The following NUB1 variants were observed in gnomAD, a reference collection of about 807,000 sequenced individuals.
NUB1 encodes negative regulator of ubiquitin like proteins 1.
Under a neutral mutation model 77.1 loss-of-function variants are expected in NUB1, and 41 were observed. The ratio of observed to expected loss-of-function variants is 0.53; its 90% CI spans 0.41 to 0.69. The LOEUF is 0.69. Among genes scored for constraint, NUB1 ranks in the 30% least tolerant of loss-of-function variants. The pLI, the probability that NUB1 is intolerant of heterozygous loss-of-function variation, is 0.00. For synonymous variants in NUB1, 257 were observed against 281.0 expected, an observed-to-expected ratio of 0.91 and a Z score of 0.85; for missense variants, 643 against 743.8, an observed-to-expected ratio of 0.86 and a Z score of 1.58.
chr7:151,357,977 C>CT (rs1797163930), intron 7 of NUB1, among the ~76,000 whole-genome samples: 1 of 151,156 alleles, frequency 6.6e-6, no homozygotes, highest in Non-Finnish European at 1.5e-5. Flanking sequence ...TGATGTTTGT[C>CT]TTTTTTTGTG....
chr7:151,376,044 T>C (rs957557883), intron 13 of NUB1, 101 bp downstream of exon 13: 44 of 778,738 alleles, frequency 5.7e-5, no homozygotes, highest in Non-Finnish European at 9.2e-5. Context: ...GAGTCCGTGC[T>C]GAAACCTTGG....
intron 13 of NUB1, 161 bp from the exon 14 acceptor site, chr7:151,376,473 C>T: frequency 1.4e-6 from 1 of 695,552 alleles, no homozygotes; most frequent in Non-Finnish European, 2.3e-6. Flanking sequence ...CCAGGTTGCT[C>T]TACGCTCACA....
intron 8 of NUB1, among the ~76,000 whole-genome samples, chr7:151,366,031 A>C (rs1471239340): frequency 1.3e-5 from 2 of 152,180 alleles, no homozygotes; most frequent in Non-Finnish European, 2.9e-5. Context: ...GTTCATATAC[A>C]ATGTGTGGTT....
chr7:151,345,501 A>C (rs768788923), intron 2 of NUB1, 35 bp downstream of exon 2: 1 of 1,054,424 alleles, frequency 9.5e-7, no homozygotes, highest in Non-Finnish European at 1.4e-6. Flanking sequence ...AATTAGCAGC[A>C]TTATAAATCT....
Position 151,377,253 on chromosome 7 carries a change from CT to C in NUB1, c.*29del. 1.4e-6 allele frequency: 2 copies of C among 1,436,704 alleles called. No homozygotes were observed. Among genetic ancestry groups the C allele is most frequent in the African/African-American group, 2.8e-5 (2 of 70,238 alleles). The allele number at this position is 1,436,704 out of a possible 1,614,324, so 89.0% of individuals were successfully genotyped here. On this transcript the variant is annotated 3_prime_UTR_variant, in exon 15 of 15. Coordinates refer to ENST00000568733, the MANE Select transcript of NUB1 (RefSeq NM_001243351.2). The stretch of plus-strand genomic sequence containing the variant: ...AATGAACAGAAATAGCGCTAATTTT[CT>C]GCTTATAAATGCTATCATTATGAAA...
chr7:151,372,446 G>A (rs1373555954), intron 11 of NUB1, among the ~76,000 whole-genome samples: 2 of 152,208 alleles, frequency 1.3e-5, no homozygotes, highest in Admixed American at 6.5e-5. Flanking sequence ...GGCTGGCAGC[G>A]TCCTTCTCTG....
intron 3 of NUB1, 196 bp from the exon 4 acceptor site, chr7:151,351,228 C>T: frequency 1.8e-6 from 1 of 560,350 alleles, no homozygotes; most frequent in Non-Finnish European, 3.2e-6. Flanking sequence ...CACGCTGCCG[C>T]CCCCTTGAGG....
At chr7:151,364,160 C>G (rs1401842197) in intron 8 of NUB1, among the ~76,000 whole-genome samples, 1 of 150,772 alleles carries the variant, frequency 6.6e-6, no homozygotes, top group East Asian at 2.1e-4. Flanking sequence ...CGGTGGCTCA[C>G]GCCTGTAATC....
At chr7:151,361,262 G>A (rs1408534584) in intron 8 of NUB1, 4 of 152,150 alleles carry the variant, frequency 2.6e-5, no homozygotes, top group Non-Finnish European at 5.9e-5. Flanking sequence ...TGACCAAAGA[G>A]GTTTCTTTTT....
intron 7 of NUB1, among the ~76,000 whole-genome samples, chr7:151,357,167 C>A (rs1292088689): frequency 6.7e-6 from 1 of 148,232 alleles, no homozygotes; most frequent in Non-Finnish European, 1.5e-5. Flanking sequence ...CAGGTACACA[C>A]CACCATGTCC....
Position 151,345,311 on chromosome 7 carries a change from G to A in NUB1, c.-2-37G>A, listed in dbSNP as rs755784108. 7.7e-5 allele frequency: 100 copies of A among 1,303,974 alleles called. 1 individual carries two copies. The highest frequency in any genetic ancestry group is 5.2e-4 in the South Asian group (42 of 81,126). 80.8% of individuals were successfully genotyped at this position (1,303,974 alleles called of 1,614,324 possible). On this transcript the variant is annotated intron_variant, in intron 1 of 14. Coordinates refer to ENST00000568733, the MANE Select transcript of NUB1 (RefSeq NM_001243351.2). ...GTAAGTTATTAACATTTTAAAATGCGATGTGGAGTTTTATTAATGTATTGT... is the reference window on the plus strand; with the variant it reads ...GTAAGTTATTAACATTTTAAAATGCAATGTGGAGTTTTATTAATGTATTGT...
In NUB1 at chr7:151,345,384, C is replaced by T. The variant is rs1188371347; in HGVS notation, c.35C>T (p.Thr12Ile). The T allele has an allele frequency of 6.2e-7, 1 of 1,612,260 alleles. No individual in the cohort carries two copies. The highest frequency in any genetic ancestry group is 1.1e-5 in the South Asian group (1 of 90,856). ...AAGAAATATCTTCAAGCAAAATTGA[C>T]CCAGTTTTTAAGGGAAGACAGGATT... ...AQKKYLQAKL[T>I]QFLREDRIQL... The change falls in exon 2 of 15, where the codon ACC becomes ATC. Residue 12 changes from threonine (T) to isoleucine (I), a missense_variant. Thr to Ile is a moderately conservative substitution (Grantham distance 89). Transcript: ENST00000568733.
intron 8 of NUB1, among the ~76,000 whole-genome samples, chr7:151,362,270 T>C (rs553936047): frequency 2.1e-4 from 32 of 152,322 alleles, no homozygotes; most frequent in Non-Finnish European, 3.8e-4. Context: ...CTATTTATCC[T>C]GGGCATCTAT....
chr7:151,374,210 C>G lies in NUB1; in HGVS notation c.1362C>G (p.His454Gln), dbSNP rs375032507. 1.5e-5 allele frequency: 23 copies of G among 1,563,760 alleles called. No homozygotes were observed. Among genetic ancestry groups the G allele is most frequent in the Non-Finnish European group, 1.9e-5 (22 of 1,154,518 alleles). ...YSTHAAQQVL[H>Q]AASGNLDEAL... ...CGCACGCGGCCCAGCAGGTACTCCA[C>G]GCAGCCAGCGGGAACTTGGATGAGG... The change falls in exon 12 of 15, where the codon CAC (histidine) becomes CAG (glutamine). Residue 454 changes from histidine to glutamine, a missense_variant. His to Gln is a conservative substitution (Grantham distance 24, BLOSUM62 0). Coordinates refer to ENST00000568733, the MANE Select transcript of NUB1 (RefSeq NM_001243351.2).
chr7:151,344,047 GGC>G (rs1796341710), intron 1 of NUB1, among the ~76,000 whole-genome samples: 1 of 151,064 alleles, frequency 6.6e-6, no homozygotes, highest in Non-Finnish European at 1.5e-5. Context: ...CGGGCGTGGT[GGC>G]GGGCGCCTGT....
intron 1 of NUB1, among the ~76,000 whole-genome samples, chr7:151,344,178 CTCAAAAAAAAAA>C (rs1563007036): frequency 1.0e-4 from 2 of 19,494 alleles, no homozygotes; most frequent in Non-Finnish European, 1.8e-4. Context: ...GAGACTCCCT[CTCAAAAAAAAAA>C]AAAAAAAAAA....
intron 7 of NUB1, among the ~76,000 whole-genome samples, chr7:151,359,506 C>CTGTGG (rs1797265749): frequency 4.6e-5 from 7 of 151,366 alleles, no homozygotes; most frequent in Admixed American, 2.0e-4. Flanking sequence ...CAGCCGGGCA[C>CTGTGG]CGTGGCTCAC....
chr7:151,356,904 A>G (rs1297168480), intron 7 of NUB1, among the ~76,000 whole-genome samples: 2 of 151,936 alleles, frequency 1.3e-5, no homozygotes, highest in African/African-American at 2.4e-5. Context: ...TTTAGTAGAG[A>G]CAGGGTTTCT....
chr7:151,363,436 A>G (rs1797480894), intron 8 of NUB1, among the ~76,000 whole-genome samples: 1 of 140,684 alleles, frequency 7.1e-6, no homozygotes. Flanking sequence ...AACTATCTGA[A>G]AAAACAGAGA....
Sources: gnomAD v4.1 joint callset for allele counts (sites outside exome capture counted in the v4.1 genomes callset) on GRCh38, gnomAD v4.1.1 for gene constraint, MANE v1.5 for transcripts, NCBI Gene and HGNC (gene_info 2026-07-23, HGNC 2026-07-21) for gene names.